The following POU6F2 variants were observed in gnomAD, a reference collection of about 807,000 sequenced individuals.
POU6F2 encodes the protein POU class 6 homeobox 2, also known as POU domain, class 6, transcription factor 2.
Under a neutral mutation model 71.3 loss-of-function variants are expected in POU6F2, and 31 were observed. That is an observed-to-expected ratio of 0.43 (90% confidence interval 0.33 to 0.59). The LOEUF (loss-of-function observed/expected upper bound fraction) is 0.59, where lower values mean the gene tolerates loss of function less well. Among genes scored for constraint, POU6F2 ranks in the 20% least tolerant of loss-of-function variants. The pLI is 0.04. For missense variants in POU6F2, 783 were observed against 856.8 expected (o/e 0.91, Z 1.07); for synonymous variants, 347 against 355.7 (o/e 0.98, Z 0.27).
chr7:39,214,273 C>T (rs1794197410), intron 4 of POU6F2, among the ~76,000 whole-genome samples: 1 of 152,178 alleles, frequency 6.6e-6, no homozygotes, highest in African/African-American at 2.4e-5. Context: ...TTTGCACAGG[C>T]TGTTCCCTCT....
At chr7:39,427,650 T>C (rs1413645288) in intron 6 of POU6F2, among the ~76,000 whole-genome samples, 1 of 152,194 alleles carries the variant, frequency 6.6e-6, no homozygotes, top group African/African-American at 2.4e-5. Flanking sequence ...GACCAAAATG[T>C]GCTGAGATTG....
intron 6 of POU6F2, among the ~76,000 whole-genome samples, chr7:39,423,072 A>C (rs1253922608): frequency 6.6e-6 from 1 of 152,208 alleles, no homozygotes; most frequent in Admixed American, 6.5e-5. Flanking sequence ...ATTTCAATGA[A>C]GGGTTAACTC....
intron 5 of POU6F2, among the ~76,000 whole-genome samples, chr7:39,372,282 A>G (rs554137750): frequency 6.6e-6 from 1 of 152,328 alleles, no homozygotes; most frequent in African/African-American, 2.4e-5. Flanking sequence ...ATTTTTATTG[A>G]TGAAACTCAT....
intron 4 of POU6F2, among the ~76,000 whole-genome samples, chr7:39,277,083 A>G (rs998643516): frequency 6.6e-6 from 1 of 152,302 alleles, no homozygotes; most frequent in Non-Finnish European, 1.5e-5. Flanking sequence ...CTTTCAAAAC[A>G]TAACTCCCAG....
intron 4 of POU6F2, among the ~76,000 whole-genome samples, chr7:39,330,771 T>C (rs1785627843): frequency 6.6e-6 from 1 of 152,248 alleles, no homozygotes; most frequent in Admixed American, 6.5e-5. Context: ...ATATCTATGT[T>C]GTATTCATTA....
chr7:39,237,927 T>G (rs2128750947), intron 4 of POU6F2, among the ~76,000 whole-genome samples: 1 of 152,250 alleles, frequency 6.6e-6, no homozygotes, highest in South Asian at 2.1e-4. Flanking sequence ...ACCATTTGGT[T>G]TTCTCCATTT....
At chr7:38,989,158 G>A (rs1336436078) in intron 1 of POU6F2, among the ~76,000 whole-genome samples, 1 of 152,034 alleles carries the variant, frequency 6.6e-6, no homozygotes, top group East Asian at 1.9e-4. Context: ...GCCTCAAATA[G>A]TTGATGTCCC....
chr7:39,094,739 T>TA (rs139748755), intron 2 of POU6F2, among the ~76,000 whole-genome samples: 6,434 of 152,210 alleles, frequency 0.042, 450 homozygotes, highest in African/African-American at 0.14. Context: ...TAATATGATT[T>TA]AAAAATGCAA....
Position 39,406,727 on chromosome 7 carries a change from A to ACTAGTTAC in POU6F2, c.1100_1101insCTAGTTAC (p.Ala368Ter). 3 of 1,613,568 alleles carry ACTAGTTAC rather than the reference A, an allele frequency of 1.9e-6. No homozygotes were observed. Among genetic ancestry groups the ACTAGTTAC allele is most frequent in the Non-Finnish European group, 2.5e-6 (3 of 1,179,868 alleles). On this transcript the variant is annotated stop_gained and frameshift_variant, in exon 6 of 10. Transcript: ENST00000518318. LOFTEE classifies it high-confidence loss of function. ...GGGGTCACAGGTCAACTAGTTACTAATGCACAAGGACAGGTGAGTGGGAGA... is the reference window on the plus strand; with the variant it reads ...GGGGTCACAGGTCAACTAGTTACTAACTAGTTACTGCACAAGGACAGGTGAGTGGGAGA...
At chr7:39,111,150 T>C (rs1791804290) in intron 2 of POU6F2, among the ~76,000 whole-genome samples, 1 of 152,212 alleles carries the variant, frequency 6.6e-6, no homozygotes, top group Non-Finnish European at 1.5e-5. Flanking sequence ...ATTGGTTGGA[T>C]ATTATTAATT....
chr7:38,990,352 A>C (rs920733723), intron 1 of POU6F2, among the ~76,000 whole-genome samples: 1 of 152,150 alleles, frequency 6.6e-6, no homozygotes. Flanking sequence ...CATTTTAAAC[A>C]TTGTGGCCCT....
chr7:39,123,077 T>C (rs543606343), intron 2 of POU6F2, among the ~76,000 whole-genome samples: 3 of 152,306 alleles, frequency 2.0e-5, no homozygotes, highest in South Asian at 2.1e-4. Flanking sequence ...TTTCCTCATA[T>C]ATAAATACTG....
chr7:39,385,246 T>C (rs997569577), intron 5 of POU6F2, among the ~76,000 whole-genome samples: 1 of 152,236 alleles, frequency 6.6e-6, no homozygotes, highest in African/African-American at 2.4e-5. Flanking sequence ...CTCAAATCTT[T>C]GCAATGGAAA....
At chr7:39,149,074 T>G (rs1792686287) in intron 2 of POU6F2, among the ~76,000 whole-genome samples, 1 of 152,158 alleles carries the variant, frequency 6.6e-6, no homozygotes, top group African/African-American at 2.4e-5. Flanking sequence ...GGGAGGACTC[T>G]GAGGAAGCAG....
chr7:39,442,378 C>A (rs1220225320), intron 7 of POU6F2, among the ~76,000 whole-genome samples: 1 of 152,118 alleles, frequency 6.6e-6, no homozygotes, highest in Non-Finnish European at 1.5e-5. Context: ...GGAACTTCAC[C>A]CAGCGAGGGA....
intron 2 of POU6F2, among the ~76,000 whole-genome samples, chr7:39,184,539 C>A (rs1437638415): frequency 6.6e-6 from 1 of 152,164 alleles, no homozygotes; most frequent in African/African-American, 2.4e-5. Flanking sequence ...ACAGTCTCAG[C>A]CCTGGTAGCA....
intron 5 of POU6F2, among the ~76,000 whole-genome samples, chr7:39,396,898 T>TAA (rs35808118): frequency 1.4e-5 from 2 of 141,284 alleles, no homozygotes; most frequent in Admixed American, 7.1e-5. Context: ...AACCAATCAT[T>TAA]AAAAAAAAAA....
intron 4 of POU6F2, among the ~76,000 whole-genome samples, chr7:39,322,971 A>G (rs1168705420): frequency 6.6e-6 from 1 of 152,228 alleles, no homozygotes; most frequent in African/African-American, 2.4e-5. Flanking sequence ...CAAAGCAAGC[A>G]CATGATACAT....
At chr7:39,017,835 T>TGTGTGTGTGTGTGA (rs1789594492) in intron 1 of POU6F2, among the ~76,000 whole-genome samples, 1 of 151,858 alleles carries the variant, frequency 6.6e-6, no homozygotes, top group Non-Finnish European at 1.5e-5. Context: ...TGTGTGTGTG[T>TGTGTGTGTGTGTGA]GTGTGTGATT....
Sources: allele counts gnomAD v4.1 joint callset (sites outside exome capture counted in the v4.1 genomes callset), GRCh38; gene constraint gnomAD v4.1.1; transcripts MANE v1.5; gene names NCBI Gene and HGNC (gene_info 2026-07-23, HGNC 2026-07-21).